The following EPG5 variants were observed in gnomAD, a reference collection of about 807,000 sequenced individuals.
EPG5 encodes the protein ectopic P granules protein 5 homolog.
A neutral mutation model predicts 302.7 loss-of-function variants in EPG5; 159 were observed. The observed-to-expected ratio is 0.53, with a 90% confidence interval of 0.46 to 0.60. The LOEUF is 0.60. EPG5 is among the 20% of genes least tolerant of loss of function. EPG5 has a pLI of 0.00. For synonymous variants in EPG5, 1,158 were observed against 1,136.8 expected, an observed-to-expected ratio of 1.02 and a Z score of -0.37; for missense variants, 2,896 against 3,092.4, an observed-to-expected ratio of 0.94 and a Z score of 1.51.
chr18:45,828,002 C>T, the EPG5 span, among the ~76,000 whole-genome samples: 1 of 152,204 alleles, frequency 6.6e-6, no homozygotes, highest in African/African-American at 2.4e-5. Context: ...CAAACAGCAG[C>T]TGCTTCACAG....
Position 45,917,767 on chromosome 18 carries a change from A to C in EPG5, c.3151T>G (p.Ser1051Ala). The C allele has an allele frequency of 6.2e-7, 1 of 1,614,138 alleles. No individual in the cohort carries two copies. The highest frequency in any genetic ancestry group is 8.5e-7 in the Non-Finnish European group (1 of 1,179,972). ...TGAACCACTGTTCTCAAATGTCTTG[A>C]CTGGACCAGAATTCCCAATAGTGGG... The part of the protein sequence containing the change: ...GIPLLGILVQ[S>A]RHLRTVVHVL... Residue 1051 changes from serine (S) to alanine (A), a missense_variant, in exon 17 of 44, where the codon TCA becomes GCA. Transcript: ENST00000282041.
At chr18:45,948,654 T>C in intron 5 of EPG5, 78 bp from the exon 6 acceptor site, 1 of 1,142,130 alleles carries the variant, frequency 8.8e-7, no homozygotes, top group Non-Finnish European at 1.3e-6. Flanking sequence ...ACAAGCATTC[T>C]GACCAAAGTT....
At chr18:45,842,269 T>C in the EPG5 span, 1 of 1,517,150 alleles carries the variant, frequency 6.6e-7, no homozygotes, top group South Asian at 1.1e-5. Flanking sequence ...CAGCCAGTCC[T>C]GGTTCTCGGG....
At chr18:45,921,696 T>G (rs1281001820) in intron 16 of EPG5, among the ~76,000 whole-genome samples, 1 of 152,074 alleles carries the variant, frequency 6.6e-6, no homozygotes, top group African/African-American at 2.4e-5. Flanking sequence ...TCTAGACAGT[T>G]AAGGGGACCT....
chr18:45,845,156 G>C (rs2048353805), downstream of EPG5, among the ~76,000 whole-genome samples: 1 of 152,230 alleles, frequency 6.6e-6, no homozygotes, highest in South Asian at 2.1e-4. Flanking sequence ...TGATGGTGCA[G>C]ATGTGTAACG....
At chr18:45,855,936 T>C (rs553458815) in intron 42 of EPG5, among the ~76,000 whole-genome samples, 4 of 152,314 alleles carry the variant, frequency 2.6e-5, no homozygotes, top group African/African-American at 9.6e-5. Flanking sequence ...ACTGGAACCC[T>C]TGCACATTGC....
chr18:45,917,826 A>G lies in EPG5; in HGVS notation c.3099-7T>C, dbSNP rs774702072. On this transcript the variant is annotated splice_region_variant and splice_polypyrimidine_tract_variant and intron_variant, in intron 16 of 43. Coordinates refer to ENST00000282041, the MANE Select transcript of EPG5 (RefSeq NM_020964.3). The stretch of plus-strand genomic sequence containing the variant: ...TGCACAGAACTTCTCAATGCTATGG[A>G]AAAAGAGAAAGGCACTGAATACACA... 2 of 1,613,882 alleles carry G rather than the reference A, an allele frequency of 1.2e-6. No homozygotes were observed. The highest frequency in any genetic ancestry group is 2.2e-5 in the South Asian group (2 of 91,042).
intron 26 of EPG5, among the ~76,000 whole-genome samples, chr18:45,900,404 CAAAAAAAA>C (rs375366452): frequency 8.9e-6 from 1 of 111,980 alleles, no homozygotes; most frequent in African/African-American, 3.8e-5. Context: ...GACTCTGTCT[CAAAAAAAA>C]AAAAAAAAAA....
At chr18:45,907,682 A>T (rs1568141867) in intron 24 of EPG5, among the ~76,000 whole-genome samples, 3 of 152,108 alleles carry the variant, frequency 2.0e-5, no homozygotes, top group African/African-American at 7.2e-5. Context: ...ATTAAAAAAA[A>T]TATACAGTCA....
At chr18:45,842,008 G>C in the EPG5 span, 2 of 1,120,606 alleles carry the variant, frequency 1.8e-6, no homozygotes, top group Non-Finnish European at 2.7e-6. Context: ...CTGCTCCCCA[G>C]AATGTCTCCT....
chr18:45,930,913 G>A, intron 11 of EPG5, 83 bp from the exon 12 acceptor site: 2 of 1,285,162 alleles, frequency 1.6e-6, no homozygotes, highest in Non-Finnish European at 1.0e-6. Flanking sequence ...AAAAGATTTA[G>A]GAATATTTAA....
chr18:45,872,764 T>G (rs1172071867), intron 35 of EPG5, among the ~76,000 whole-genome samples: 1 of 152,134 alleles, frequency 6.6e-6, no homozygotes, highest in Non-Finnish European at 1.5e-5. Context: ...TCTAACATGC[T>G]TGTACCCTCA....
At position 45,865,640 on chromosome 18, in the gene EPG5, G is replaced by A. The variant is rs371606723; in HGVS notation, c.6741C>T (p.Asp2247=). 8 of 1,613,836 alleles carry A rather than the reference G, an allele frequency of 5.0e-6. No homozygotes were observed. Among genetic ancestry groups the A allele is most frequent in the East Asian group, 4.5e-5 (2 of 44,898 alleles). The change falls in exon 39 of 44, where the codon GAC becomes GAT. Residue 2247 remains aspartate (D), a synonymous_variant. Coordinates refer to ENST00000282041, the MANE Select transcript of EPG5 (RefSeq NM_020964.3). ...CGGGCGGGTTAAAGACAATGATATCGTCTAAGAGCTTAGACATTTCCTGTT... is the reference window on the plus strand; with the variant it reads ...CGGGCGGGTTAAAGACAATGATATCATCTAAGAGCTTAGACATTTCCTGTT... ...VLEQEMSKLL[D]DIIVFNPPDM...
chr18:45,865,764 C>CAA lies in EPG5; in HGVS notation c.6622-6_6622-5insTT. The CAA allele has an allele frequency of 4.9e-6, 7 of 1,425,368 alleles. No homozygotes were observed. The highest frequency in any genetic ancestry group is 1.7e-5 in the African/African-American group (1 of 60,520). 88.3% of individuals were successfully genotyped at this position (1,425,368 alleles called of 1,614,324 possible). Reference sequence around the variant, plus strand: ...TTGGCATTTTGGAACTGCATCCTGACCAAAAAAAAAAAAAAAAATCATTCA... The same window carrying CAA: ...TTGGCATTTTGGAACTGCATCCTGACAACAAAAAAAAAAAAAAAAATCATTCA... On this transcript the variant is annotated splice_region_variant and splice_polypyrimidine_tract_variant and intron_variant, in intron 38 of 43. Coordinates refer to ENST00000282041, the MANE Select transcript of EPG5 (RefSeq NM_020964.3).
chr18:45,824,448 T>C, the EPG5 span, among the ~76,000 whole-genome samples: 1 of 152,172 alleles, frequency 6.6e-6, no homozygotes, highest in Non-Finnish European at 1.5e-5. Flanking sequence ...CCTTGTGATC[T>C]GCCCGCCTCA....
intron 37 of EPG5, 120 bp downstream of exon 37, chr18:45,867,443 G>T: frequency 3.9e-6 from 3 of 775,850 alleles, no homozygotes; most frequent in Non-Finnish European, 6.5e-6. Context: ...CATCTCATAT[G>T]CCAAGCATCT....
At chr18:45,955,673 A>G (rs565178277) in intron 1 of EPG5, among the ~76,000 whole-genome samples, 102 of 152,342 alleles carry the variant, frequency 6.7e-4, no homozygotes, top group African/African-American at 1.9e-3. Context: ...GTTAAGTTAA[A>G]TAGATCAGTC....
At chr18:45,820,335 T>C in the EPG5 span, among the ~76,000 whole-genome samples, 1 of 152,148 alleles carries the variant, frequency 6.6e-6, no homozygotes, top group Non-Finnish European at 1.5e-5. Flanking sequence ...GTTCCCCATG[T>C]CATGTATTAG....
chr18:45,845,133 C>A (rs1599403066), downstream of EPG5, among the ~76,000 whole-genome samples: 1 of 152,172 alleles, frequency 6.6e-6, no homozygotes, highest in Non-Finnish European at 1.5e-5. Flanking sequence ...TCTGGGTGCA[C>A]CTGGCATTGG....
Sources: allele counts gnomAD v4.1 joint callset (sites outside exome capture counted in the v4.1 genomes callset), GRCh38; gene constraint gnomAD v4.1.1; transcripts MANE v1.5; gene names NCBI Gene and HGNC (gene_info 2026-07-23, HGNC 2026-07-21).